The following RNF216 variants were observed in gnomAD, a reference collection of about 807,000 sequenced individuals.
The protein encoded by RNF216 is ring finger protein 216.
A neutral mutation model predicts 110.8 loss-of-function variants in RNF216; 72 were observed. The observed-to-expected ratio is 0.65, with a 90% CI of 0.54 to 0.79. The LOEUF (loss-of-function observed/expected upper bound fraction) is 0.79, where lower values mean the gene tolerates loss of function less well. Among genes scored for constraint, RNF216 ranks in the 30% least tolerant of loss-of-function variants. RNF216 has a pLI of 0.00. For synonymous variants in RNF216, 495 were observed against 407.5 expected (o/e 1.21, Z -2.59); for missense variants, 1,342 against 1,141.2 (o/e 1.18, Z -2.54).
rs139489627 is a variant in RNF216, at chr7:5,686,202, T to G, written c.2061+25559A>C. On this transcript the variant is annotated intron_variant, in intron 13 of 16. Transcript: ENST00000389902. ...CATGCTGCTGCACTCCAGCCTGGGTTGACAGAGTATGACTCTGTTATTAAA... is the reference window on the plus strand; with the variant it reads ...CATGCTGCTGCACTCCAGCCTGGGTGGACAGAGTATGACTCTGTTATTAAA... Among the ~76,000 whole-genome samples the G allele has an allele frequency of 6.2e-3, 910 of 146,734 alleles. 11 individuals carry two copies. Among genetic ancestry groups the G allele is most frequent in the Middle Eastern group, 0.011 (3 of 284 alleles).
chr7:5,759,633 CTTTTTTT>C (rs560025609), intron 2 of RNF216, among the ~76,000 whole-genome samples: 1 of 131,182 alleles, frequency 7.6e-6, no homozygotes, highest in African/African-American at 2.8e-5. Context: ...CATTTTTCTT[CTTTTTTT>C]TTTTTTTTTG....
intron 5 of RNF216, among the ~76,000 whole-genome samples, chr7:5,735,362 G>A (rs185772888): frequency 6.6e-6 from 1 of 152,058 alleles, no homozygotes; most frequent in African/African-American, 2.4e-5. Flanking sequence ...CCAGCAGGAA[G>A]AACAGAATAT....
intron 13 of RNF216, among the ~76,000 whole-genome samples, chr7:5,675,974 G>C (rs1790262768): frequency 6.6e-6 from 1 of 151,676 alleles, no homozygotes; most frequent in Non-Finnish European, 1.5e-5. Flanking sequence ...CTTCCAAAGT[G>C]CTGGGATTAC....
chr7:5,625,859 A>C (rs1013820306), intron 15 of RNF216, among the ~76,000 whole-genome samples: 1 of 150,986 alleles, frequency 6.6e-6, no homozygotes, highest in Admixed American at 6.6e-5. Context: ...TGACACTATT[A>C]AATTCTCCTA....
chr7:5,702,062 C>T (rs1253240820), intron 13 of RNF216, among the ~76,000 whole-genome samples: 2 of 152,158 alleles, frequency 1.3e-5, no homozygotes, highest in African/African-American at 4.8e-5. Flanking sequence ...ATCTGAGGCC[C>T]CAGGTCGCTG....
intron 14 of RNF216, among the ~76,000 whole-genome samples, chr7:5,648,260 C>T: frequency 6.6e-6 from 1 of 151,980 alleles, no homozygotes; most frequent in Non-Finnish European, 1.5e-5. Flanking sequence ...GCATGCACCA[C>T]CATGCCTGGG....
At chr7:5,714,028 A>T (rs924239582) in intron 11 of RNF216, among the ~76,000 whole-genome samples, 1 of 152,192 alleles carries the variant, frequency 6.6e-6, no homozygotes, top group Admixed American at 6.5e-5. Flanking sequence ...TCTGAGACAG[A>T]GTCTCGCCCT....
intron 1 of RNF216, among the ~76,000 whole-genome samples, chr7:5,768,265 A>G (rs907426990): frequency 2.7e-5 from 4 of 148,608 alleles, no homozygotes; most frequent in Admixed American, 1.4e-4. Context: ...AGCCTGGGAA[A>G]CATAGTGAGA....
intron 1 of RNF216, among the ~76,000 whole-genome samples, chr7:5,773,878 C>G (rs944772724): frequency 6.6e-6 from 1 of 152,140 alleles, no homozygotes; most frequent in Admixed American, 6.6e-5. Flanking sequence ...AGCCAAATTT[C>G]TTATTTTTTC....
chr7:5,676,726 G>C (rs1223126891), intron 13 of RNF216, among the ~76,000 whole-genome samples: 1 of 152,196 alleles, frequency 6.6e-6, no homozygotes, highest in Non-Finnish European at 1.5e-5. Context: ...GGCATTTCCG[G>C]CCTAACAACT....
At chr7:5,631,956 G>A (rs965990988) in intron 15 of RNF216, among the ~76,000 whole-genome samples, 5 of 152,220 alleles carry the variant, frequency 3.3e-5, no homozygotes, top group African/African-American at 1.2e-4. Flanking sequence ...AGGCTGGCAA[G>A]GATTTCATAA....
chr7:5,679,919 T>C (rs1236973347), intron 13 of RNF216, among the ~76,000 whole-genome samples: 1 of 152,150 alleles, frequency 6.6e-6, no homozygotes, highest in African/African-American at 2.4e-5. Flanking sequence ...ACAGTCGGCT[T>C]TAAGAAACAC....
intron 5 of RNF216, among the ~76,000 whole-genome samples, chr7:5,736,292 A>AT (rs1175492125): frequency 7.3e-4 from 110 of 150,264 alleles, no homozygotes; most frequent in Admixed American, 6.6e-3. Flanking sequence ...TGGTTTTCGT[A>AT]TTTTTTTTTG....
intron 1 of RNF216, among the ~76,000 whole-genome samples, chr7:5,770,236 C>T (rs1166842113): frequency 1.3e-5 from 2 of 151,570 alleles, no homozygotes; most frequent in Non-Finnish European, 2.9e-5. Context: ...CCAAGGTGGG[C>T]GGATCGCCTG....
intron 3 of RNF216, among the ~76,000 whole-genome samples, chr7:5,744,503 T>C (rs1336314597): frequency 6.6e-6 from 1 of 152,098 alleles, no homozygotes; most frequent in African/African-American, 2.4e-5. Context: ...TTAGTTCAAA[T>C]AACCATTCGA....
intron 13 of RNF216, among the ~76,000 whole-genome samples, chr7:5,677,956 G>C (rs187414131): frequency 8.7e-4 from 133 of 152,246 alleles, no homozygotes; most frequent in East Asian, 3.5e-3. Context: ...CTCTTAACTG[G>C]AGCAGTAAGA....
intron 13 of RNF216, among the ~76,000 whole-genome samples, chr7:5,675,673 A>C (rs1258663984): frequency 2.0e-5 from 3 of 151,640 alleles, no homozygotes; most frequent in Non-Finnish European, 4.4e-5. Flanking sequence ...CGAACAAAGG[A>C]GCAAGGTCAT....
intron 13 of RNF216, among the ~76,000 whole-genome samples, chr7:5,683,481 C>T (rs1245636832): frequency 2.6e-5 from 4 of 152,102 alleles, no homozygotes; most frequent in African/African-American, 9.7e-5. Context: ...CCCGTATCAC[C>T]CCCATCCTCC....
chr7:5,714,507 C>T (rs1387629680), intron 11 of RNF216, among the ~76,000 whole-genome samples: 1 of 152,110 alleles, frequency 6.6e-6, no homozygotes, highest in African/African-American at 2.4e-5. Context: ...ATCCGCCTAC[C>T]TCGGCCTCCC....
Sources: gnomAD v4.1 joint callset for allele counts (sites outside exome capture counted in the v4.1 genomes callset) on GRCh38, gnomAD v4.1.1 for gene constraint, MANE v1.5 for transcripts, NCBI Gene and HGNC (gene_info 2026-07-23, HGNC 2026-07-21) for gene names.